Variants in SUGCT observed in about 807,000 individuals in gnomAD.
SUGCT encodes the protein succinyl-CoA:glutarate CoA-transferase.
Under a neutral mutation model 55.0 loss-of-function variants are expected in SUGCT, and 41 were observed. The observed-to-expected ratio is 0.74, with a 90% CI of 0.58 to 0.97. The LOEUF (loss-of-function observed/expected upper bound fraction) is 0.97. SUGCT is among the 50% of genes least tolerant of loss of function. SUGCT has a pLI of 0.00. For synonymous variants in SUGCT, 187 were observed against 200.4 expected (o/e 0.93, Z 0.56); for missense variants, 568 against 547.8 (o/e 1.04, Z -0.37).
intron 12 of SUGCT, among the ~76,000 whole-genome samples, chr7:40,628,727 CTGTGTGTGTG>C (rs111460243): frequency 6.1e-5 from 9 of 147,614 alleles, no homozygotes; most frequent in East Asian, 2.0e-4. Context: ...GTGTTTTGTT[CTGTGTGTGTG>C]TGTGTGTGTG....
intron 12 of SUGCT, among the ~76,000 whole-genome samples, chr7:40,534,001 C>T (rs1794227601): frequency 6.6e-6 from 1 of 152,048 alleles, no homozygotes; most frequent in African/African-American, 2.4e-5. Context: ...ATGTGACATT[C>T]GAAAGTATAT....
At chr7:40,250,147 TG>T (rs1350970714) in intron 7 of SUGCT, among the ~76,000 whole-genome samples, 1 of 151,996 alleles carries the variant, frequency 6.6e-6, no homozygotes, top group South Asian at 2.1e-4. Context: ...CCTGTAATCC[TG>T]GCACTTTGGA....
intron 13 of SUGCT, among the ~76,000 whole-genome samples, chr7:40,814,953 G>T (rs146237863): frequency 7.9e-4 from 120 of 152,104 alleles, no homozygotes; most frequent in Non-Finnish European, 1.3e-3. Context: ...GGGTCTTTTG[G>T]CTTTGTTTCT....
At chr7:40,865,645 G>A (rs563943933), downstream of SUGCT, among the ~76,000 whole-genome samples, 4 of 152,328 alleles carry the variant, frequency 2.6e-5, no homozygotes, top group East Asian at 7.7e-4. Flanking sequence ...TGTGGTTACA[G>A]AGGAAGTTCC....
At chr7:40,733,421 T>C (rs568467859) in intron 12 of SUGCT, among the ~76,000 whole-genome samples, 1 of 152,298 alleles carries the variant, frequency 6.6e-6, no homozygotes, top group South Asian at 2.1e-4. Flanking sequence ...AGAGCAAACA[T>C]GCATCTATCT....
chr7:40,837,922 G>A (rs767851958), intron 13 of SUGCT, among the ~76,000 whole-genome samples: 13 of 152,118 alleles, frequency 8.5e-5, no homozygotes, highest in Non-Finnish European at 1.9e-4. Context: ...CCTATTTTGA[G>A]TTAATTTTTT....
At chr7:40,641,794 A>G (rs1203204807) in intron 12 of SUGCT, among the ~76,000 whole-genome samples, 1 of 152,178 alleles carries the variant, frequency 6.6e-6, no homozygotes, top group African/African-American at 2.4e-5. Flanking sequence ...TGTTGAACTT[A>G]TGAAAGGCTC....
intron 12 of SUGCT, among the ~76,000 whole-genome samples, chr7:40,662,518 C>T (rs1801382858): frequency 6.6e-6 from 1 of 152,230 alleles, no homozygotes; most frequent in Non-Finnish European, 1.5e-5. Context: ...GTTCACTGTG[C>T]TTCTGCCACA....
intron 9 of SUGCT, among the ~76,000 whole-genome samples, chr7:40,389,529 T>G (rs1187488499): frequency 1.3e-5 from 2 of 152,164 alleles, no homozygotes; most frequent in Admixed American, 1.3e-4. Flanking sequence ...GACTTCAAAG[T>G]CAGCAACAAA....
intron 8 of SUGCT, among the ~76,000 whole-genome samples, chr7:40,288,811 T>C (rs1793524273): frequency 6.6e-6 from 1 of 152,186 alleles, no homozygotes; most frequent in East Asian, 1.9e-4. Flanking sequence ...TTATATGATG[T>C]CCTTCAAGTT....
At chr7:40,291,425 T>C (rs1269954819) in intron 8 of SUGCT, among the ~76,000 whole-genome samples, 3 of 144,872 alleles carry the variant, frequency 2.1e-5, no homozygotes, top group Admixed American at 7.3e-5. Context: ...AGACACCACA[T>C]GTTCTCACTC....
the SUGCT span, among the ~76,000 whole-genome samples, chr7:40,978,168 T>A: frequency 6.6e-6 from 1 of 152,168 alleles, no homozygotes; most frequent in South Asian, 2.1e-4. Flanking sequence ...GAATACAGGC[T>A]GGTCCTCAGC....
chr7:40,511,186 C>T (rs749481658), intron 12 of SUGCT, among the ~76,000 whole-genome samples: 6 of 152,062 alleles, frequency 3.9e-5, no homozygotes, highest in African/African-American at 4.8e-5. Flanking sequence ...TCATACATCC[C>T]GAGAGCGAAC....
intron 6 of SUGCT, chr7:40,217,576 C>T (rs996440255): frequency 3.4e-6 from 1 of 297,472 alleles, no homozygotes; most frequent in African/African-American, 2.3e-5. Context: ...ATCAAAGCAT[C>T]CCAGCATGTT....
chr7:40,562,841 A>G (rs1486541378), intron 12 of SUGCT, among the ~76,000 whole-genome samples: 1 of 152,244 alleles, frequency 6.6e-6, no homozygotes, highest in South Asian at 2.1e-4. Context: ...TCCATTGTTA[A>G]GAGAAACAGT....
At chr7:40,896,454 C>G in the SUGCT span, among the ~76,000 whole-genome samples, 1 of 152,172 alleles carries the variant, frequency 6.6e-6, no homozygotes, top group Non-Finnish European at 1.5e-5. Flanking sequence ...GCAGTTCCCA[C>G]AATCCCCACG....
chr7:40,880,240 C>T, the SUGCT span, among the ~76,000 whole-genome samples: 2 of 152,174 alleles, frequency 1.3e-5, no homozygotes, highest in Non-Finnish European at 2.9e-5. Context: ...GATTAGATTT[C>T]CTGGAAACCA....
At chr7:40,785,485 T>G (rs1789964569) in intron 13 of SUGCT, among the ~76,000 whole-genome samples, 1 of 152,130 alleles carries the variant, frequency 6.6e-6, no homozygotes, top group Admixed American at 6.5e-5. Context: ...TTAAGGTAAA[T>G]CCAGGAAAAG....
intron 12 of SUGCT, among the ~76,000 whole-genome samples, chr7:40,716,944 A>C (rs1786055067): frequency 6.6e-6 from 1 of 152,184 alleles, no homozygotes; most frequent in African/African-American, 2.4e-5. Flanking sequence ...TAAAATGCGA[A>C]AGAAAAATGT....
Sources: gnomAD v4.1 joint callset for allele counts (sites outside exome capture counted in the v4.1 genomes callset) on GRCh38, gnomAD v4.1.1 for gene constraint, MANE v1.5 for transcripts, NCBI Gene and HGNC (gene_info 2026-07-23, HGNC 2026-07-21) for gene names.